The following TAFA5 variants were observed in gnomAD, a reference collection of about 807,000 sequenced individuals.
TAFA5 encodes chemokine-like protein TAFA-5.
Under a neutral mutation model 15.3 loss-of-function variants are expected in TAFA5, and 6 were observed. The observed-to-expected ratio is 0.39, with a 90% CI of 0.21 to 0.77. The LOEUF (loss-of-function observed/expected upper bound fraction) is 0.77, where lower values mean the gene tolerates loss of function less well. Ranked by LOEUF, TAFA5 falls within the 30% of genes least tolerant of loss-of-function variation. TAFA5 has a pLI of 0.41. For synonymous variants in TAFA5, 103 were observed against 80.7 expected (o/e 1.28, Z -1.48); for missense variants, 161 against 193.1 (o/e 0.83, Z 0.98).
chr22:48,655,553 C>G (rs550842796), intron 2 of TAFA5, among the ~76,000 whole-genome samples: 8 of 152,288 alleles, frequency 5.3e-5, no homozygotes, highest in African/African-American at 1.9e-4. Context: ...AGTCCTTTTA[C>G]AGCATTATCT....
intron 2 of TAFA5, among the ~76,000 whole-genome samples, chr22:48,657,731 G>A (rs1234788764): frequency 2.0e-5 from 3 of 152,160 alleles, no homozygotes; most frequent in Non-Finnish European, 4.4e-5. Context: ...TGTGCCCTGA[G>A]TATGTAAAGG....
chr22:48,663,624 T>C (rs1373054008), intron 2 of TAFA5, among the ~76,000 whole-genome samples: 2 of 152,236 alleles, frequency 1.3e-5, no homozygotes, highest in Admixed American at 6.5e-5. Flanking sequence ...AAATATTAAA[T>C]AGAAATTTCC....
intron 1 of TAFA5, among the ~76,000 whole-genome samples, chr22:48,609,186 G>T (rs948061384): frequency 3.3e-5 from 5 of 152,186 alleles, no homozygotes; most frequent in African/African-American, 1.2e-4. Context: ...CCTCTACTTG[G>T]GTGGGAAATG....
At chr22:48,711,685 A>G (rs1929258485) in intron 3 of TAFA5, among the ~76,000 whole-genome samples, 1 of 152,204 alleles carries the variant, frequency 6.6e-6, no homozygotes, top group African/African-American at 2.4e-5. Context: ...GCGTTCTCAT[A>G]ACTTGGCTTT....
intron 2 of TAFA5, among the ~76,000 whole-genome samples, chr22:48,685,972 C>T (rs1371149877): frequency 6.7e-6 from 1 of 148,914 alleles, no homozygotes; most frequent in Non-Finnish European, 1.5e-5. Flanking sequence ...GGAGTACACG[C>T]AGGCCCCACG....
In TAFA5 at chr22:48,740,822, A is replaced by G. The variant is rs147662648; in HGVS notation, c.391-9017A>G. 2.3e-3 allele frequency among the ~76,000 whole-genome samples: 357 copies of G among 152,258 alleles called. 1 individual carries two copies. Among genetic ancestry groups the G allele is most frequent in the African/African-American group, 8.1e-3 (336 of 41,560 alleles). On this transcript the variant is annotated intron_variant, in intron 3 of 3. Coordinates refer to ENST00000402357, the MANE Select transcript of TAFA5 (RefSeq NM_001082967.3). ...GGACATGCCCCCGGCAGGCCTCACA[A>G]TTGCCCTGTTCTCAGGGGAGCTCAG...
intron 2 of TAFA5, among the ~76,000 whole-genome samples, chr22:48,677,380 G>C (rs130095): frequency 4.6e-5 from 7 of 152,160 alleles, no homozygotes; most frequent in African/African-American, 1.7e-4. Context: ...TGCCGGGGTC[G>C]GTGGAGGCAG....
At chr22:48,559,756 G>T (rs371010172) in intron 1 of TAFA5, among the ~76,000 whole-genome samples, 31 of 152,278 alleles carry the variant, frequency 2.0e-4, no homozygotes, top group African/African-American at 7.2e-4. Flanking sequence ...CAGGAGGGGC[G>T]GCGGGGCCTG....
intron 2 of TAFA5, among the ~76,000 whole-genome samples, chr22:48,656,727 CATTTTTTTTTCTTTT>C (rs1569066638): frequency 1.1e-4 from 3 of 26,626 alleles, no homozygotes; most frequent in African/African-American, 3.8e-4. Context: ...GATGGAGTCT[CATTTTTTTTTCTTTT>C]GAGATGGAGT....
chr22:48,681,326 C>G (rs983282302), intron 2 of TAFA5, among the ~76,000 whole-genome samples: 1 of 152,096 alleles, frequency 6.6e-6, no homozygotes, highest in Non-Finnish European at 1.5e-5. Context: ...TAGAGACGCT[C>G]TCCTCATTTC....
intron 3 of TAFA5, among the ~76,000 whole-genome samples, chr22:48,722,014 C>A (rs1339339061): frequency 2.0e-5 from 3 of 151,958 alleles, no homozygotes; most frequent in Admixed American, 6.6e-5. Flanking sequence ...GTGTGTGTGT[C>A]TTTATAGTAG....
At chr22:48,559,381 T>TC (rs1394933682) in intron 1 of TAFA5, among the ~76,000 whole-genome samples, 2 of 152,170 alleles carry the variant, frequency 1.3e-5, no homozygotes, top group Non-Finnish European at 2.9e-5. Flanking sequence ...GGCCTTGCTC[T>TC]CGGGAGCAGG....
At chr22:48,528,359 G>A (rs550320753) in intron 1 of TAFA5, among the ~76,000 whole-genome samples, 42 of 152,118 alleles carry the variant, frequency 2.8e-4, no homozygotes, top group Non-Finnish European at 4.9e-4. Flanking sequence ...GTTCTGCTCT[G>A]GGGGTCCATT....
chr22:48,640,587 G>T (rs1055008159), intron 1 of TAFA5, among the ~76,000 whole-genome samples: 5 of 150,610 alleles, frequency 3.3e-5, no homozygotes, highest in African/African-American at 1.2e-4. Context: ...GATGAGAGGC[G>T]TTTACCCCGG....
At chr22:48,519,763 G>C in intron 1 of TAFA5, among the ~76,000 whole-genome samples, 1 of 152,166 alleles carries the variant, frequency 6.6e-6, no homozygotes, top group East Asian at 1.9e-4. Flanking sequence ...CTGCAGGAGG[G>C]AGGTGAGCCG....
chr22:48,527,398 AG>A (rs1403845706), intron 1 of TAFA5, among the ~76,000 whole-genome samples: 1 of 152,194 alleles, frequency 6.6e-6, no homozygotes, highest in East Asian at 1.9e-4. Flanking sequence ...ACCTGCTTAT[AG>A]GGCAGGGCAA....
chr22:48,718,137 G>A (rs1929458022), intron 3 of TAFA5, among the ~76,000 whole-genome samples: 1 of 152,158 alleles, frequency 6.6e-6, no homozygotes. Context: ...GGTCTGCAAT[G>A]CCCTCTCCCA....
At chr22:48,595,386 G>C (rs1924728136) in intron 1 of TAFA5, among the ~76,000 whole-genome samples, 1 of 152,220 alleles carries the variant, frequency 6.6e-6, no homozygotes, top group African/African-American at 2.4e-5. Context: ...CAGGTGTTAG[G>C]GGGAGTGGAG....
At chr22:48,691,585 G>A (rs545526898) in intron 2 of TAFA5, among the ~76,000 whole-genome samples, 7 of 152,222 alleles carry the variant, frequency 4.6e-5, no homozygotes, top group Admixed American at 1.3e-4. Flanking sequence ...GCATGGCTGG[G>A]CAACGGAGGA....
Sources: gnomAD v4.1 joint callset for allele counts (sites outside exome capture counted in the v4.1 genomes callset) on GRCh38, gnomAD v4.1.1 for gene constraint, MANE v1.5 for transcripts, NCBI Gene and HGNC (gene_info 2026-07-23, HGNC 2026-07-21) for gene names.